The following PARD6G variants were observed in gnomAD, a reference collection of about 807,000 sequenced individuals.
PARD6G encodes par-6 family cell polarity regulator gamma.
A neutral mutation model predicts 10.7 loss-of-function variants in PARD6G; 7 were observed. That is an observed-to-expected ratio of 0.66 (90% CI 0.37 to 1.23). The LOEUF is 1.23. Ranked by LOEUF, PARD6G falls within the 50% of genes most tolerant of loss-of-function variation. The pLI, the probability that PARD6G is intolerant of heterozygous loss-of-function variation, is 0.02. For missense variants in PARD6G, 548 were observed against 571.8 expected (o/e 0.96, Z 0.42); for synonymous variants, 287 against 269.4 (o/e 1.07, Z -0.64).
At chr18:80,218,013 A>G (rs948466533) in intron 1 of PARD6G, among the ~76,000 whole-genome samples, 1 of 152,158 alleles carries the variant, frequency 6.6e-6, no homozygotes, top group African/African-American at 2.4e-5. Flanking sequence ...AACTGCTCCT[A>G]TGATTCAATT....
chr18:80,226,928 C>T (rs1273370916), intron 1 of PARD6G, among the ~76,000 whole-genome samples: 1 of 152,186 alleles, frequency 6.6e-6, no homozygotes, highest in Admixed American at 6.5e-5. Flanking sequence ...CTTGAATCTT[C>T]ACTGAATTAA....
At chr18:80,206,325 G>A (rs566967617) in intron 1 of PARD6G, among the ~76,000 whole-genome samples, 1 of 152,220 alleles carries the variant, frequency 6.6e-6, no homozygotes, top group African/African-American at 2.4e-5. Context: ...AATCATATTG[G>A]TATTGGGTAC....
chr18:80,186,739 CAT>C (rs752403400), intron 2 of PARD6G, among the ~76,000 whole-genome samples: 16 of 152,148 alleles, frequency 1.1e-4, no homozygotes, highest in Non-Finnish European at 1.8e-4. Flanking sequence ...TTAAAAGTAA[CAT>C]AAAATTTTAC....
chr18:80,216,697 C>G (rs1255568209), intron 1 of PARD6G, among the ~76,000 whole-genome samples: 1 of 151,832 alleles, frequency 6.6e-6, no homozygotes, highest in African/African-American at 2.4e-5. Context: ...GAAACTTCCA[C>G]CATTAGAAAT....
intron 1 of PARD6G, among the ~76,000 whole-genome samples, chr18:80,236,559 A>C (rs2145305234): frequency 6.6e-6 from 1 of 152,278 alleles, no homozygotes; most frequent in African/African-American, 2.4e-5. Context: ...AGGAAGTCAA[A>C]TTGTCCCCGT....
In PARD6G at chr18:80,192,494, G is replaced by A; in HGVS notation, c.295+10216C>T. 6.6e-6 allele frequency among the ~76,000 whole-genome samples: 1 copy of A among 151,516 alleles called. No homozygotes were observed. ...CGGGGGAGAGCAGGTGCCACGGCGG[G>A]AGCCCAGGGGACGGGGGAGAGCAGG... On this transcript the variant is annotated intron_variant, in intron 2 of 2. Transcript: ENST00000353265. This position sits in a 1 kb window ranked among gnomAD's most constrained non-coding sequence, Gnocchi z 4.9.
intron 1 of PARD6G, among the ~76,000 whole-genome samples, chr18:80,219,509 C>T (rs889129983): frequency 4.6e-5 from 7 of 151,582 alleles, no homozygotes; most frequent in Admixed American, 6.6e-5. Context: ...TGCGCCCAGC[C>T]GGGGTTTCTT....
rs142590882 is a variant in PARD6G, at chr18:80,160,031, C to T, written c.871G>A (p.Asp291Asn). The change falls in exon 3 of 3, where the codon GAC becomes AAC. Residue 291 changes from aspartate (D) to asparagine (N), a missense_variant. By Grantham distance (23) the Asp-to-Asn change is conservative. Around this residue, in one of 2 missense-constraint regions of PARD6G, gnomAD observed 313 missense variants for 279.9 expected, o/e 1.12. Transcript: ENST00000353265. The stretch of plus-strand genomic sequence containing the variant: ...TTGTCCTCATCGCTCTCCGCCTCGT[C>T]GGGGTGGAAGTTCTGCAGGACGCGC... ...APRVLQNFHP[D>N]EAESDEDNDV... 6.5e-7 allele frequency: 1 copy of T among 1,537,406 alleles called. No homozygotes were observed. The highest frequency in any genetic ancestry group is 8.7e-7 in the Non-Finnish European group (1 of 1,148,218).
chr18:80,210,889 C>G (rs1375604646), intron 1 of PARD6G, among the ~76,000 whole-genome samples: 1 of 151,286 alleles, frequency 6.6e-6, no homozygotes, highest in Non-Finnish European at 1.5e-5. Flanking sequence ...GCAAAACCTC[C>G]CCACCCCCCA....
intron 1 of PARD6G, among the ~76,000 whole-genome samples, chr18:80,242,949 A>G (rs910184382): frequency 6.6e-6 from 1 of 152,176 alleles, no homozygotes; most frequent in African/African-American, 2.4e-5. Flanking sequence ...ATAGATATGA[A>G]ACAGCATCTA....
At position 80,180,747 on chromosome 18, in the gene PARD6G, T is replaced by G. The variant is rs991666698; in HGVS notation, c.296-20141A>C. ...TTTGTCAGGGGGCCGGACGTCCACCTGCAGGCCCAGCCCTTCCTCATCACA... is the reference window on the plus strand; with the variant it reads ...TTTGTCAGGGGGCCGGACGTCCACCGGCAGGCCCAGCCCTTCCTCATCACA... On this transcript the variant is annotated intron_variant, in intron 2 of 2. Transcript: ENST00000353265. The surrounding 1 kb of genome is among the most constrained non-coding windows in gnomAD (Gnocchi z 5.6). Among the ~76,000 whole-genome samples the G allele has an allele frequency of 2.6e-5, 4 of 152,130 alleles. No homozygotes were observed. Among genetic ancestry groups the G allele is most frequent in the African/African-American group, 9.7e-5 (4 of 41,424 alleles).
chr18:80,186,330 C>A (rs1163407462), intron 2 of PARD6G, among the ~76,000 whole-genome samples: 1 of 148,562 alleles, frequency 6.7e-6, no homozygotes, highest in Non-Finnish European at 1.5e-5. Context: ...CATGCTTGCA[C>A]ACCCTCACAT....
Position 80,160,581 on chromosome 18 carries a change from G to T in PARD6G, c.321C>A (p.Gly107=). 2.7e-6 allele frequency: 4 copies of T among 1,455,428 alleles called. No individual in the cohort carries two copies. The highest frequency in any genetic ancestry group is 3.6e-6 in the Non-Finnish European group (4 of 1,107,804). 90.2% of individuals were successfully genotyped at this position (1,455,428 alleles called of 1,614,324 possible). ...KREEAERGSL[G]AGSLCRRRRA... ...GCCTCCGCCTGCACAGCGAGCCCGC[G>T]CCGAGGCTGCCACGCTCGGCCTCCT... is the stretch of plus-strand genomic sequence containing the variant. The change falls in exon 3 of 3, where the codon GGC becomes GGA. Residue 107 remains glycine, a synonymous_variant. Transcript: ENST00000353265.
chr18:80,186,333 CCT>C lies in PARD6G; in HGVS notation c.295+16375_295+16376del, dbSNP rs1351246363. ...CATGCACCCTCACATGCTTGCACACCCTCACATGTGCATGCACCCTCACACAT... is the reference window on the plus strand; with the variant it reads ...CATGCACCCTCACATGCTTGCACACCCACATGTGCATGCACCCTCACACAT... On this transcript the variant is annotated intron_variant, in intron 2 of 2. Transcript: ENST00000353265. Among the ~76,000 whole-genome samples, 67 of 137,610 alleles carry C rather than the reference CCT, an allele frequency of 4.9e-4. 1 individual carries two copies. The Middle Eastern group carries it at 0.015, about 31-fold the overall frequency. The allele number at this position is 137,610 out of a possible 152,430, so 90.3% of individuals were successfully genotyped here. A position where few individuals can be genotyped will look rare whatever the true frequency, so the allele number is the denominator to read the frequency against.
chr18:80,214,435 C>T (rs1407245404), intron 1 of PARD6G, among the ~76,000 whole-genome samples: 3 of 152,018 alleles, frequency 2.0e-5, no homozygotes, highest in Admixed American at 2.0e-4. Flanking sequence ...TACTGTACTT[C>T]AGCCTGGGAA....
At chr18:80,219,099 C>A (rs1279711710) in intron 1 of PARD6G, among the ~76,000 whole-genome samples, 1 of 152,252 alleles carries the variant, frequency 6.6e-6, no homozygotes, top group Non-Finnish European at 1.5e-5. Context: ...AGACCTCTGA[C>A]ATGCACTGGA....
Position 80,247,015 on chromosome 18 carries a change from C to T in PARD6G, c.72+262G>A, listed in dbSNP as rs1245509150. 6.6e-6 allele frequency among the ~76,000 whole-genome samples: 1 copy of T among 152,118 alleles called. No individual in the cohort carries two copies. Among genetic ancestry groups the T allele is most frequent in the Non-Finnish European group, 1.5e-5 (1 of 68,010 alleles). On this transcript the variant is annotated intron_variant, in intron 1 of 2. Transcript: ENST00000353265. The surrounding 1 kb of genome is among the most constrained non-coding windows in gnomAD (Gnocchi z 4.2). ...GAACAAAAGAGCAGCTCCCGCGGAG[C>T]GGGTCCAGAGTCTGCCCGGACTGTC...
At chr18:80,208,288 C>T (rs1308285152) in intron 1 of PARD6G, among the ~76,000 whole-genome samples, 1 of 152,082 alleles carries the variant, frequency 6.6e-6, no homozygotes, top group Non-Finnish European at 1.5e-5. Context: ...TATATCATCC[C>T]CTTTTATAGT....
intron 1 of PARD6G, among the ~76,000 whole-genome samples, chr18:80,204,348 A>T (rs1292011503): frequency 6.6e-6 from 1 of 152,124 alleles, no homozygotes; most frequent in Non-Finnish European, 1.5e-5. Flanking sequence ...TCTGGATTTG[A>T]CTGTGCTGAG....
Sources: allele counts gnomAD v4.1 joint callset (sites outside exome capture counted in the v4.1 genomes callset), GRCh38; gene constraint gnomAD v4.1.1; regional missense constraint gnomAD v4.1.1; non-coding constraint Gnocchi (gnomAD v3.1); transcripts MANE v1.5; gene names NCBI Gene and HGNC (gene_info 2026-07-23, HGNC 2026-07-21).